Variants in DYSF observed in about 807,000 individuals in gnomAD.
DYSF encodes the protein dystrophy-associated fer-1-like 1.
Under a neutral mutation model 274.9 loss-of-function variants are expected in DYSF, and 212 were observed. The ratio of observed to expected loss-of-function variants is 0.77; its 90% CI spans 0.69 to 0.86. The LOEUF (loss-of-function observed/expected upper bound fraction) is 0.86. Ranked by LOEUF, DYSF falls within the 40% of genes least tolerant of loss-of-function variation. DYSF has a pLI of 0.00. For synonymous variants in DYSF, 1,091 were observed against 1,078.7 expected (o/e 1.01, Z -0.22); for missense variants, 2,666 against 2,783.2 (o/e 0.96, Z 0.95).
intron 1 of DYSF, among the ~76,000 whole-genome samples, chr2:71,458,436 T>C (rs2081158255): frequency 6.6e-6 from 1 of 152,186 alleles, no homozygotes; most frequent in Non-Finnish European, 1.5e-5. Flanking sequence ...GGCCAAGTGG[T>C]GGGTGGCCGT....
intron 22 of DYSF, among the ~76,000 whole-genome samples, chr2:71,559,776 G>A (rs2091598966): frequency 6.6e-6 from 1 of 152,252 alleles, no homozygotes; most frequent in African/African-American, 2.4e-5. Flanking sequence ...GGCTGCTCAG[G>A]TGGGGATCTG....
intron 42 of DYSF, among the ~76,000 whole-genome samples, chr2:71,651,471 A>AC (rs1414073680): frequency 4.3e-4 from 65 of 152,276 alleles, no homozygotes; most frequent in African/African-American, 1.5e-3. Context: ...AGAGAAACAG[A>AC]ACTGTCTCAA....
intron 14 of DYSF, among the ~76,000 whole-genome samples, chr2:71,531,816 C>T (rs982715990): frequency 2.0e-5 from 3 of 152,042 alleles, no homozygotes; most frequent in South Asian, 2.1e-4. Context: ...GTCACAGTGC[C>T]GTTGGCTGTG....
chr2:71,570,663 G>A lies in DYSF; in HGVS notation c.3150G>A (p.Lys1050=), dbSNP rs529077809. Residue 1050 remains lysine, a synonymous_variant, in exon 29 of 56, where the codon AAG becomes AAA. Coordinates refer to ENST00000410020, the MANE Select transcript of DYSF (RefSeq NM_001130987.2). ...RKPKHWVPAE[K]MYYTHRRRRW... is the part of the protein sequence containing the mutation. The stretch of plus-strand genomic sequence containing the variant: ...CGAAGCACTGGGTCCCTGCTGAGAA[G>A]ATGTACTACACACACCGACGGCGGC... The A allele has an allele frequency of 6.2e-7, 1 of 1,614,116 alleles. No homozygotes were observed. The highest frequency in any genetic ancestry group is 1.3e-5 in the African/African-American group (1 of 75,036).
chr2:71,679,019 C>G (rs368402254), intron 52 of DYSF, 38 bp from the exon 53 acceptor site: 2 of 1,605,824 alleles, frequency 1.2e-6, no homozygotes, highest in South Asian at 2.2e-5. Flanking sequence ...TGGCAGTGAT[C>G]GAGAAACCCT....
chr2:71,659,180 A>C, intron 44 of DYSF, 147 bp downstream of exon 44: 1 of 1,173,936 alleles, frequency 8.5e-7, no homozygotes, highest in Non-Finnish European at 1.2e-6. Context: ...GCCTGGATGG[A>C]GTTGTGTTAA....
chr2:71,669,826 T>C lies in DYSF; in HGVS notation c.5784+80T>C. 6.9e-6 allele frequency: 11 copies of C among 1,591,744 alleles called. No homozygotes were observed. In the South Asian group the frequency reaches 1.1e-4, roughly 16 times the overall value. On this transcript the variant is annotated intron_variant, in intron 51 of 55. Transcript: ENST00000410020. ...CTGACCTGACCACCACGTCCCTGCCTGGCAACTGTCACAATCTCACTGCTG... is the reference window on the plus strand; with the variant it reads ...CTGACCTGACCACCACGTCCCTGCCCGGCAACTGTCACAATCTCACTGCTG...
intron 54 of DYSF, among the ~76,000 whole-genome samples, 172 bp downstream of exon 54, chr2:71,681,282 T>A (rs1335827283): frequency 6.6e-6 from 1 of 152,260 alleles, no homozygotes; most frequent in Non-Finnish European, 1.5e-5. Flanking sequence ...GATGGGCATC[T>A]GTCCAGAGAA....
intron 17 of DYSF, among the ~76,000 whole-genome samples, chr2:71,542,232 C>T (rs528301766): frequency 6.6e-6 from 1 of 152,296 alleles, no homozygotes; most frequent in South Asian, 2.1e-4. Flanking sequence ...ACACAATAAC[C>T]TTAAAGTAAC....
rs187539542 is a variant in DYSF at position 71,615,686 on chromosome 2, C to G, written c.4464+2276C>G. ...GGCGCTCCAAGGCCAACCCAGGAGG[C>G]AGCTGACCCCGGGTGCAGTTCCAGT... On this transcript the variant is annotated intron_variant, in intron 40 of 55. Transcript: ENST00000410020. This position sits in a 1 kb window ranked among gnomAD's most constrained non-coding sequence, Gnocchi z 4.9. Among the ~76,000 whole-genome samples the G allele has an allele frequency of 2.8e-4, 43 of 152,340 alleles. No individual in the cohort carries two copies. Among genetic ancestry groups the G allele is most frequent in the African/African-American group, 1.0e-3 (42 of 41,576 alleles).
At chr2:71,516,108 G>A in intron 8 of DYSF, 72 bp from the exon 9 acceptor site, 1 of 1,454,508 alleles carries the variant, frequency 6.9e-7, no homozygotes, top group Non-Finnish European at 9.7e-7. Context: ...GCTTGGGGGT[G>A]GTGGTCCTCC....
chr2:71,531,676 G>A (rs1224664075), intron 14 of DYSF, among the ~76,000 whole-genome samples: 1 of 151,860 alleles, frequency 6.6e-6, no homozygotes, highest in African/African-American at 2.4e-5. Context: ...GCCTTTTCTT[G>A]GCGACTTCGC....
chr2:71,549,824 A>G (rs1471699828), intron 17 of DYSF, among the ~76,000 whole-genome samples: 3 of 152,124 alleles, frequency 2.0e-5, no homozygotes, highest in African/African-American at 4.8e-5. Context: ...TAACGCAAAT[A>G]ATTAGTAATG....
In DYSF at chr2:71,513,897, G is replaced by A. The variant is rs748463150; in HGVS notation, c.735G>A (p.Leu245=). The A allele has an allele frequency of 8.7e-6, 14 of 1,614,076 alleles. No homozygotes were observed. In the South Asian group the frequency reaches 1.4e-4, roughly 16 times the overall value. ...GTGCGCCTACATCTAGAAAGCTGCTGTCAGACAAACCGCAGGATTTCCAGG... is the reference window on the plus strand; with the variant it reads ...GTGCGCCTACATCTAGAAAGCTGCTATCAGACAAACCGCAGGATTTCCAGG... ...KRSAPTSRKL[L]SDKPQDFQIR... is the part of the protein sequence containing the mutation. The change falls in exon 7 of 56, where the codon CTG becomes CTA. Residue 245 remains leucine, a synonymous_variant. Coordinates refer to ENST00000410020, the MANE Select transcript of DYSF (RefSeq NM_001130987.2).
intron 36 of DYSF, among the ~76,000 whole-genome samples, chr2:71,609,362 G>A (rs2093706197): frequency 6.6e-6 from 1 of 152,146 alleles, no homozygotes; most frequent in Admixed American, 6.5e-5. Flanking sequence ...TTATGCCCTG[G>A]TGACTTAGAG....
intron 1 of DYSF, among the ~76,000 whole-genome samples, chr2:71,471,684 AG>A (rs1294355101): frequency 6.6e-6 from 1 of 152,132 alleles, no homozygotes; most frequent in East Asian, 1.9e-4. Flanking sequence ...AAAATAAACC[AG>A]GGGGCCGGGT....
intron 26 of DYSF, 114 bp downstream of exon 26, chr2:71,568,452 C>A: frequency 7.1e-7 from 1 of 1,401,474 alleles, no homozygotes; most frequent in Non-Finnish European, 9.7e-7. Flanking sequence ...TGCTCCTGCG[C>A]TGGTCATAGG....
chr2:71,491,386 G>A (rs1420458948), intron 3 of DYSF, among the ~76,000 whole-genome samples: 1 of 152,170 alleles, frequency 6.6e-6, no homozygotes, highest in Non-Finnish European at 1.5e-5. Context: ...TTTACCCAGA[G>A]GTGCACGTGT....
At chr2:71,643,475 C>T (rs1438908728) in intron 41 of DYSF, among the ~76,000 whole-genome samples, 1 of 152,088 alleles carries the variant, frequency 6.6e-6, no homozygotes, top group Non-Finnish European at 1.5e-5. Context: ...CCTTTATTGC[C>T]TGGGTAGGGA....
Sources: gnomAD v4.1 joint callset for allele counts (sites outside exome capture counted in the v4.1 genomes callset) on GRCh38, gnomAD v4.1.1 for gene constraint, Gnocchi (gnomAD v3.1) non-coding constraint, MANE v1.5 for transcripts, NCBI Gene and HGNC (gene_info 2026-07-23, HGNC 2026-07-21) for gene names.